Variants in YARS1 observed in about 807,000 individuals in gnomAD.
The protein encoded by YARS1 is tyrosine--tRNA ligase, cytoplasmic.
YARS1 carries 36 observed loss-of-function variants against 62.2 expected under a neutral mutation model. The ratio of observed to expected loss-of-function variants is 0.58; its 90% CI spans 0.44 to 0.76. The LOEUF (loss-of-function observed/expected upper bound fraction) is 0.76, where lower values mean the gene tolerates loss of function less well. Among genes scored for constraint, YARS1 ranks in the 30% least tolerant of loss-of-function variants. YARS1 has a pLI of 0.00. For synonymous variants in YARS1, 234 were observed against 244.9 expected (o/e 0.96, Z 0.42); for missense variants, 524 against 639.8 (o/e 0.82, Z 1.95).
chr1:32,796,829 G>A (rs1653598047), intron 5 of YARS1, among the ~76,000 whole-genome samples: 1 of 149,554 alleles, frequency 6.7e-6, no homozygotes, highest in African/African-American at 2.5e-5. Context: ...CCTAGGCATG[G>A]TGGCAGGCAC....
intron 12 of YARS1, among the ~76,000 whole-genome samples, chr1:32,777,552 A>C (rs1569700617): frequency 6.6e-6 from 1 of 152,226 alleles, no homozygotes; most frequent in East Asian, 1.9e-4. Context: ...CGGAGGTTGC[A>C]GTGAGCTGAG....
chr1:32,778,780 C>CCAG (rs1193414711), intron 12 of YARS1, among the ~76,000 whole-genome samples: 3 of 143,750 alleles, frequency 2.1e-5, no homozygotes, highest in Non-Finnish European at 4.6e-5. Context: ...CTCTTGTTGC[C>CCAG]CAGGCTGGAG....
chr1:32,798,626 C>T (rs906016359), intron 4 of YARS1, among the ~76,000 whole-genome samples: 4 of 152,008 alleles, frequency 2.6e-5, no homozygotes, highest in Non-Finnish European at 4.4e-5. Context: ...CACTTGAGCC[C>T]GGGTGTCTCT....
rs557398201 is a variant in YARS1, at chr1:32,796,152, G to C, written c.591+1611C>G. Among the ~76,000 whole-genome samples the C allele has an allele frequency of 3.6e-4, 55 of 151,886 alleles. 1 individual carries two copies. The highest frequency in any genetic ancestry group is 1.3e-3 in the African/African-American group (53 of 41,442). ...TACTAAAAATACAAAAAAATTAGCC[G>C]GGTGTGGTGGCAGGCACCTGTAATC... On this transcript the variant is annotated intron_variant, in intron 5 of 12. Transcript: ENST00000373477.
chr1:32,792,899 A>T (rs1569736116), intron 5 of YARS1, among the ~76,000 whole-genome samples: 1 of 150,898 alleles, frequency 6.6e-6, no homozygotes, highest in Non-Finnish European at 1.5e-5. Flanking sequence ...TAAAAATAAA[A>T]ATAAATAAAT....
Position 32,816,344 on chromosome 1 carries a change from G to A in YARS1, c.57+844C>T, listed in dbSNP as rs146526660. Among the ~76,000 whole-genome samples the A allele has an allele frequency of 2.5e-3, 382 of 152,206 alleles. 1 individual carries two copies. Among genetic ancestry groups the A allele is most frequent in the African/African-American group, 8.8e-3 (366 of 41,522 alleles). On this transcript the variant is annotated intron_variant, in intron 1 of 12. Transcript: ENST00000373477. ...GCAAGGCTCCCGTGACTTGGTCCCT[G>A]CCTACCTCTCTTAAACAAATAAATA...
rs897251122 is a variant in YARS1, at chr1:32,817,172, A to G, written c.57+16T>C. On this transcript the variant is annotated intron_variant, in intron 1 of 12. Transcript: ENST00000373477. ...TCCTAATCCCCAACGGCGCATTTCC[A>G]ACCCCCAGGCCTGACCTGCAGGTTC... The G allele has an allele frequency of 3.1e-6, 5 of 1,613,972 alleles. No homozygotes were observed. The highest frequency in any genetic ancestry group is 4.2e-6 in the Non-Finnish European group (5 of 1,179,952).
chr1:32,806,759 T>C, intron 3 of YARS1, 148 bp from the exon 4 acceptor site: 3 of 1,115,778 alleles, frequency 2.7e-6, no homozygotes, highest in Non-Finnish European at 3.8e-6. Flanking sequence ...CCAACTTTCT[T>C]CTTCTTTCCC....
intron 5 of YARS1, among the ~76,000 whole-genome samples, chr1:32,797,315 T>G (rs1653636280): frequency 6.6e-6 from 1 of 151,832 alleles, no homozygotes; most frequent in Non-Finnish European, 1.5e-5. Context: ...GAGGCTGTGA[T>G]GAGCCATGAC....
Position 32,806,526 on chromosome 1 carries a change from C to G in YARS1, c.466G>C (p.Val156Leu). 1.2e-6 allele frequency: 2 copies of G among 1,614,208 alleles called. No individual in the cohort carries two copies. The highest frequency in any genetic ancestry group is 1.7e-6 in the Non-Finnish European group (2 of 1,180,044). ...KKAGAEVVKQ[V>L]EHPLLSGLLY... ...AGGCCACTCAGCAAAGGGTGCTCCA[C>G]CTGCTTTACCACCTCAGCTCCAGCC... The change falls in exon 4 of 13, where the codon GTG (valine) becomes CTG (leucine). Residue 156 changes from valine (V) to leucine (L), a missense_variant. By Grantham distance (32) the Val-to-Leu change is conservative. Coordinates refer to ENST00000373477, the MANE Select transcript of YARS1 (RefSeq NM_003680.4).
At chr1:32,794,211 G>C (rs1190676037) in intron 5 of YARS1, among the ~76,000 whole-genome samples, 1 of 151,968 alleles carries the variant, frequency 6.6e-6, no homozygotes, top group Non-Finnish European at 1.5e-5. Context: ...TTAGCCGGGC[G>C]TGGTGGCGGG....
At position 32,811,002 on chromosome 1, in the gene YARS1, AT is replaced by A. The variant is rs771840678; in HGVS notation, c.112del (p.Ile38PhefsTer26). On this transcript the variant is annotated frameshift_variant, in exon 2 of 13. Transcript: ENST00000373477. LOFTEE classifies it high-confidence loss of function. ...GCCCGTGGTTGCCGTTCCCCAGTAA[AT>A]TTTAAGTTCCCGCTCCTTCAGTATC... Reference protein sequence around the residue: ...KEILKERELKIYWGTATTGKP... With the variant: ...KEILKERELKXYWGTATTGKP... The A allele has an allele frequency of 3.1e-6, 5 of 1,614,014 alleles. No homozygotes were observed. Among genetic ancestry groups the A allele is most frequent in the Non-Finnish European group, 4.2e-6 (5 of 1,180,046 alleles).
intron 11 of YARS1, 170 bp from the exon 12 acceptor site, chr1:32,779,693 G>T: frequency 1.2e-6 from 1 of 830,382 alleles, no homozygotes; most frequent in Non-Finnish European, 1.9e-6. Context: ...CATATCACCA[G>T]GGTTACATTA....
chr1:32,805,220 A>AAGGGGAGAGGGGAG (rs1375904621), intron 4 of YARS1, among the ~76,000 whole-genome samples: 1 of 53,244 alleles, frequency 1.9e-5, no homozygotes, highest in Non-Finnish European at 3.6e-5. Context: ...AGACGGTGGA[A>AAGGGGAGAGGGGAG]AGGGGAGAGG....
At position 32,787,011 on chromosome 1, in the gene YARS1, C is replaced by T. The variant is rs776703606; in HGVS notation, c.749G>A (p.Cys250Tyr). 5 of 1,614,094 alleles carry T rather than the reference C, an allele frequency of 3.1e-6. No individual in the cohort carries two copies. Among genetic ancestry groups the T allele is most frequent in the African/African-American group, 2.7e-5 (2 of 74,936 alleles). Residue 250 changes from cysteine (C) to tyrosine (Y), a missense_variant, in exon 7 of 13, where the codon TGT becomes TAT. Physicochemically the swap from Cys to Tyr is radical, Grantham distance 194. Coordinates refer to ENST00000373477, the MANE Select transcript of YARS1 (RefSeq NM_003680.4). Reference protein sequence around the residue: ...DVKKKLKKAFCEPGNVENNGV... With the variant: ...DVKKKLKKAFYEPGNVENNGV... ...ATTGTTCTCCACATTTCCTGGCTCA[C>T]AGAAGGCCTTCTTCAGTTTTTTCTT...
At chr1:32,803,218 A>C (rs1026688758) in intron 4 of YARS1, among the ~76,000 whole-genome samples, 2 of 150,694 alleles carry the variant, frequency 1.3e-5, no homozygotes, top group Admixed American at 1.3e-4. Flanking sequence ...TGACCTCGTG[A>C]TCTGCCTGCC....
At chr1:32,800,273 C>T (rs953861875) in intron 4 of YARS1, among the ~76,000 whole-genome samples, 35 of 152,120 alleles carry the variant, frequency 2.3e-4, no homozygotes, top group African/African-American at 6.8e-4. Context: ...CCAGCCACTG[C>T]GCCCAGCTCC....
intron 4 of YARS1, among the ~76,000 whole-genome samples, chr1:32,799,475 C>T (rs1273417601): frequency 6.6e-6 from 1 of 152,000 alleles, no homozygotes; most frequent in African/African-American, 2.4e-5. Context: ...TGAGAAATAT[C>T]GATGGACAAA....
intron 10 of YARS1, 60 bp downstream of exon 10, chr1:32,780,988 A>G (rs1653034726): frequency 4.0e-6 from 6 of 1,509,784 alleles, no homozygotes; most frequent in Non-Finnish European, 3.7e-6. Flanking sequence ...TTTCCTCCGG[A>G]TGGAAACAGA....
Sources: gnomAD v4.1 joint callset for allele counts (sites outside exome capture counted in the v4.1 genomes callset) on GRCh38, gnomAD v4.1.1 for gene constraint, MANE v1.5 for transcripts, NCBI Gene and HGNC (gene_info 2026-07-23, HGNC 2026-07-21) for gene names.